Variants in GRIN2C observed in about 807,000 individuals in gnomAD.
GRIN2C encodes glutamate receptor ionotropic, NMDA 2C.
A neutral mutation model predicts 77.7 loss-of-function variants in GRIN2C; 64 were observed. The ratio of observed to expected loss-of-function variants is 0.82; its 90% CI spans 0.67 to 1.01. The LOEUF is 1.01. Among genes scored for constraint, GRIN2C ranks in the 50% least tolerant of loss-of-function variants. The pLI, the probability that GRIN2C is intolerant of heterozygous loss-of-function variation, is 0.00. For synonymous variants in GRIN2C, 792 were observed against 643.4 expected, an observed-to-expected ratio of 1.23 and a Z score of -3.49; for missense variants, 1,549 against 1,486.0, an observed-to-expected ratio of 1.04 and a Z score of -0.70.
intron 4 of GRIN2C, chr17:74,851,078 CTG>C (rs1458047237): frequency 4.6e-6 from 2 of 438,772 alleles, no homozygotes; most frequent in Non-Finnish European, 8.3e-6. Flanking sequence ...TTCTGCCCCT[CTG>C]TCTCTTCCAG....
chr17:74,847,798 C>G lies in GRIN2C; in HGVS notation c.1771+54G>C. 1 of 1,604,456 alleles carries G rather than the reference C, an allele frequency of 6.2e-7. No homozygotes were observed. The highest frequency in any genetic ancestry group is 8.5e-7 in the Non-Finnish European group (1 of 1,172,780). On this transcript the variant is annotated intron_variant, in intron 8 of 12. Coordinates refer to ENST00000293190, the MANE Select transcript of GRIN2C (RefSeq NM_000835.6). The surrounding 1 kb of genome is among the most constrained non-coding windows in gnomAD (Gnocchi z 5.2). ...CTGAAGGACCCGTTGCCCCTGAGCC[C>G]AGCCCTCAGGGTGCCCAGGCCCACC...
rs1031983218 is a variant in GRIN2C at position 74,851,517 on chromosome 17, A to G, written c.1113+60T>C. The G allele has an allele frequency of 4.3e-6, 4 of 935,198 alleles. No homozygotes were observed. In the African/African-American group the frequency reaches 4.9e-5, roughly 11 times the overall value. The allele number at this position is 935,198 out of a possible 1,614,324, so 57.9% of individuals were successfully genotyped here. ...GACTCTCTGCTCAGCTGTGGGCACA[A>G]GAGGAGGCGGGGACAAAATAAGAGG... On this transcript the variant is annotated intron_variant, in intron 4 of 12. Transcript: ENST00000293190.
chr17:74,847,036 G>C lies in GRIN2C; in HGVS notation c.2002-116C>G. The C allele has an allele frequency of 3.6e-6, 4 of 1,120,376 alleles. No homozygotes were observed. The highest frequency in any genetic ancestry group is 5.1e-6 in the Non-Finnish European group (4 of 791,148). The allele number at this position is 1,120,376 out of a possible 1,614,324, so 69.4% of individuals were successfully genotyped here. A position where few individuals can be genotyped will look rare whatever the true frequency, so the allele number is the denominator to read the frequency against. The stretch of plus-strand genomic sequence containing the variant: ...GTGGACTTGCATAGTCAGAGCAGAA[G>C]GTCTTAAAGGCTGTCCAGGCCACTC... On this transcript the variant is annotated intron_variant, in intron 9 of 12. Transcript: ENST00000293190. This position sits in a 1 kb window ranked among gnomAD's most constrained non-coding sequence, Gnocchi z 5.2.
Position 74,852,590 on chromosome 17 carries a change from G to T in GRIN2C, c.421C>A (p.Gln141Lys), listed in dbSNP as rs2037695536. The change falls in exon 3 of 13, where the codon CAG becomes AAG. Residue 141 changes from glutamine to lysine, a missense_variant. By Grantham distance (53) the Gln-to-Lys change is moderately conservative (BLOSUM62 1). This residue lies in a region of GRIN2C where 382 missense variants were observed against 360.0 expected (regional missense o/e 1.06). Coordinates refer to ENST00000293190, the MANE Select transcript of GRIN2C (RefSeq NM_000835.6). ...TPKEPGSAFL[Q>K]LGVSLEQQLQ... Reference sequence around the variant, plus strand: ...TGCTGCTCCAGGGACACGCCCAGCTGCAGGAAGGCGGAGCCCGGCTCCTGG... The same window carrying T: ...TGCTGCTCCAGGGACACGCCCAGCTTCAGGAAGGCGGAGCCCGGCTCCTGG... The T allele has an allele frequency of 1.4e-6, 2 of 1,429,468 alleles. No homozygotes were observed. The highest frequency in any genetic ancestry group is 1.8e-6 in the Non-Finnish European group (2 of 1,087,000). The allele number at this position is 1,429,468 out of a possible 1,614,324, so 88.5% of individuals were successfully genotyped here.
At position 74,850,194 on chromosome 17, in the gene GRIN2C, G is replaced by C; in HGVS notation, c.1491+12C>G. The C allele has an allele frequency of 6.2e-7, 1 of 1,612,370 alleles. No homozygotes were observed. On this transcript the variant is annotated intron_variant, in intron 6 of 12. Transcript: ENST00000293190. The surrounding 1 kb of genome is among the most constrained non-coding windows in gnomAD (Gnocchi z 5.3). ...GGCAGGGCAGGTGAGGAGGGAGTGGGGTGGGGCCTACCTCCCCAATCATGC... is the reference window on the plus strand; with the variant it reads ...GGCAGGGCAGGTGAGGAGGGAGTGGCGTGGGGCCTACCTCCCCAATCATGC...
chr17:74,846,856 T>C lies in GRIN2C; in HGVS notation c.2066A>G (p.Glu689Gly), dbSNP rs766539030. 1.2e-6 allele frequency: 2 copies of C among 1,614,104 alleles called. No individual in the cohort carries two copies. The highest frequency in any genetic ancestry group is 2.2e-5 in the East Asian group (1 of 44,884). Residue 689 changes from glutamate (E) to glycine (G), a missense_variant, in exon 10 of 13, where the codon GAG becomes GGG. Physicochemically the swap from Glu to Gly is moderately conservative, Grantham distance 98. Around this residue, in one of 3 missense-constraint regions of GRIN2C, gnomAD observed 717 missense variants for 858.1 expected, o/e 0.84. Coordinates refer to ENST00000293190, the MANE Select transcript of GRIN2C (RefSeq NM_000835.6). The surrounding 1 kb of genome is among the most constrained non-coding windows in gnomAD (Gnocchi z 4.4). ...ACGGTAGTTACTGCGGATGTTCCGCTCCGTGCTGCCGTTGGGCACCGTGCC... is the reference window on the plus strand; with the variant it reads ...ACGGTAGTTACTGCGGATGTTCCGCCCCGTGCTGCCGTTGGGCACCGTGCC... Reference protein sequence around the residue: ...RFGTVPNGSTERNIRSNYRDM... With the variant: ...RFGTVPNGSTGRNIRSNYRDM...
rs778852318 is a variant in GRIN2C at position 74,850,234 on chromosome 17, C to T, written c.1463G>A (p.Arg488His). ...VTNGKHGKRV[R>H]GVWNGMIGEV... ...CCCAATCATGCCGTTCCATACGCCG[C>T]GCACCCGCTTGCCATGCTTGCCGTT... is the stretch of plus-strand genomic sequence containing the variant. The change falls in exon 6 of 13, where the codon CGC becomes CAC. Residue 488 changes from arginine (R) to histidine (H), a missense_variant. By Grantham distance (29) the Arg-to-His change is conservative. Coordinates refer to ENST00000293190, the MANE Select transcript of GRIN2C (RefSeq NM_000835.6). The surrounding 1 kb of genome is among the most constrained non-coding windows in gnomAD (Gnocchi z 5.3). 3.7e-5 allele frequency: 59 copies of T among 1,613,570 alleles called. No homozygotes were observed. Among genetic ancestry groups the T allele is most frequent in the Non-Finnish European group, 4.1e-5 (48 of 1,179,994 alleles).
Position 74,843,061 on chromosome 17 carries a change from G to A in GRIN2C, c.3076C>T (p.Arg1026Cys), listed in dbSNP as rs1434161528. 1.1e-5 allele frequency: 5 copies of A among 462,236 alleles called. No homozygotes were observed. Among genetic ancestry groups the A allele is most frequent in the African/African-American group, 6.2e-5 (3 of 48,656 alleles). 28.6% of individuals were successfully genotyped at this position (462,236 alleles called of 1,614,324 possible). A position where few individuals can be genotyped will look rare whatever the true frequency, so the allele number is the denominator to read the frequency against. ...CGAGGAAAGGAGCTGTAGTGACAGC[G>A]CGCGGGCGACAGGGGCCGCTCGGAG... is the stretch of plus-strand genomic sequence containing the variant. ...SASERPLSPA[R>C]CHYSSFPRAD... Residue 1026 changes from arginine to cysteine, a missense_variant, in exon 13 of 13, where the codon CGC becomes TGC. This residue lies in a region of GRIN2C where 450 missense variants were observed against 267.9 expected (regional missense o/e 1.68). Coordinates refer to ENST00000293190, the MANE Select transcript of GRIN2C (RefSeq NM_000835.6).
At chr17:74,853,234 C>T (rs961912332) in intron 2 of GRIN2C, 3 of 152,226 alleles carry the variant, frequency 2.0e-5, no homozygotes, top group African/African-American at 7.2e-5. Context: ...CCCCTCGTAA[C>T]TGGTCTCACT....
At position 74,859,525 on chromosome 17, in the gene GRIN2C, G is replaced by T; in HGVS notation, c.-16+219C>A. 6.7e-6 allele frequency among the ~76,000 whole-genome samples: 1 copy of T among 149,180 alleles called. No homozygotes were observed. Among genetic ancestry groups the T allele is most frequent in the East Asian group, 2.0e-4 (1 of 4,922 alleles). ...GGACCCCCTGCCCTTCCGGTGAGCC[G>T]CCCCTCCTTTGCCGTCGGGTTTCCC... On this transcript the variant is annotated intron_variant, in intron 1 of 12. Transcript: ENST00000293190. The surrounding 1 kb of genome is among the most constrained non-coding windows in gnomAD (Gnocchi z 5.9).
chr17:74,858,965 C>T (rs1248094010), intron 1 of GRIN2C, among the ~76,000 whole-genome samples: 2 of 152,260 alleles, frequency 1.3e-5, no homozygotes, highest in South Asian at 2.1e-4. Context: ...AGGCTCTAGG[C>T]GCAGGGACTG....
In GRIN2C at chr17:74,842,649, GC is replaced by G; in HGVS notation, c.3487del (p.Ala1163LeufsTer48). ...ACAGGGTGGAAGGTGAGGACAGACAGCCCCCCAGCAAAATGGCAGGTGGGCG... is the reference window on the plus strand; with the variant it reads ...ACAGGGTGGAAGGTGAGGACAGACAGCCCCCAGCAAAATGGCAGGTGGGCG... ...AHAHLPFCWG[A>X]VCPHLPPCAS... On this transcript the variant is annotated frameshift_variant, in exon 13 of 13. Transcript: ENST00000293190. LOFTEE classifies it high-confidence loss of function. 1.3e-6 allele frequency: 1 copy of G among 750,054 alleles called. No homozygotes were observed. The highest frequency in any genetic ancestry group is 2.5e-6 in the Non-Finnish European group (1 of 403,030). The allele number at this position is 750,054 out of a possible 1,614,324, so 46.5% of individuals were successfully genotyped here.
Position 74,852,546 on chromosome 17 carries a change from C to T in GRIN2C, c.465G>A (p.Lys155=), listed in dbSNP as rs754394640. 87 of 1,541,356 alleles carry T rather than the reference C, an allele frequency of 5.6e-5. 1 individual carries two copies. In the South Asian group the frequency reaches 9.8e-4, roughly 17 times the overall value. ...CGCTCCAGTCGTACTCTTCCAGCACCTTGAACAGCACCTGCAGCTGCTGCT... is the reference window on the plus strand; with the variant it reads ...CGCTCCAGTCGTACTCTTCCAGCACTTTGAACAGCACCTGCAGCTGCTGCT... ...SLEQQLQVLF[K]VLEEYDWSAF... Residue 155 remains lysine, a synonymous_variant, in exon 3 of 13, where the codon AAG becomes AAA. Coordinates refer to ENST00000293190, the MANE Select transcript of GRIN2C (RefSeq NM_000835.6).
At chr17:74,851,183 T>G in intron 4 of GRIN2C, 1 of 306,252 alleles carries the variant, frequency 3.3e-6, no homozygotes, top group East Asian at 6.3e-5. Flanking sequence ...GTTTCCTCCT[T>G]TGAAGGCAGA....
Position 74,854,839 on chromosome 17 carries a change from A to G in GRIN2C, c.254T>C (p.Leu85Pro). 6.2e-7 allele frequency: 1 copy of G among 1,613,648 alleles called. No homozygotes were observed. Among genetic ancestry groups the G allele is most frequent in the Non-Finnish European group, 8.5e-7 (1 of 1,179,620 alleles). ...SSLLTQICGL[L>P]GAAHVHGIVF... Reference sequence around the variant, plus strand: ...AATGCCGTGGACGTGGGCAGCACCCAGGAGGCCGCAGATCTGGGTGAGGAG... The same window carrying G: ...AATGCCGTGGACGTGGGCAGCACCCGGGAGGCCGCAGATCTGGGTGAGGAG... Residue 85 changes from leucine to proline, a missense_variant, in exon 2 of 13, where the codon CTG (leucine) becomes CCG (proline). Transcript: ENST00000293190.
chr17:74,842,354 A>G lies in GRIN2C; in HGVS notation c.*81T>C. 1.5e-6 allele frequency: 1 copy of G among 689,562 alleles called. No individual in the cohort carries two copies. 42.7% of individuals were successfully genotyped at this position (689,562 alleles called of 1,614,324 possible). On this transcript the variant is annotated 3_prime_UTR_variant, in exon 13 of 13. Coordinates refer to ENST00000293190, the MANE Select transcript of GRIN2C (RefSeq NM_000835.6). Reference sequence around the variant, plus strand: ...CAGGATTTCATGGCAGAAGCCAGAAAAGCCCAATCCTGCCTGCCGCTTAAC... The same window carrying G: ...CAGGATTTCATGGCAGAAGCCAGAAGAGCCCAATCCTGCCTGCCGCTTAAC...
rs764438209 is a variant in GRIN2C at position 74,843,605 on chromosome 17, C to T, written c.2584-52G>A. 2.0e-5 allele frequency: 30 copies of T among 1,522,070 alleles called. No individual in the cohort carries two copies. The South Asian group carries it at 3.5e-4, about 18-fold the overall frequency. The allele number at this position is 1,522,070 out of a possible 1,614,324, so 94.3% of individuals were successfully genotyped here. ...TAAGCAGCGCCCTCCGCTCAGGGAC[C>T]CGCCACGATTGTCCCTGCCTGGTCC... is the stretch of plus-strand genomic sequence containing the variant. On this transcript the variant is annotated intron_variant, in intron 12 of 12. Transcript: ENST00000293190.
At position 74,849,885 on chromosome 17, in the gene GRIN2C, C is replaced by T. The variant is rs2037579008; in HGVS notation, c.1540G>A (p.Glu514Lys). 4.3e-6 allele frequency: 7 copies of T among 1,613,802 alleles called. No individual in the cohort carries two copies. In the East Asian group the frequency reaches 1.6e-4, roughly 36 times the overall value. Residue 514 changes from glutamate to lysine, a missense_variant, in exon 7 of 13, where the codon GAG becomes AAG. Glu to Lys is a moderately conservative substitution (Grantham distance 56). Transcript: ENST00000293190. This position sits in a 1 kb window ranked among gnomAD's most constrained non-coding sequence, Gnocchi z 4.6. ...AAGTCTACGATCTCGGAGCGTTCCTCATTGATGGTGAGGGAGCCGATGGCC... is the reference window on the plus strand; with the variant it reads ...AAGTCTACGATCTCGGAGCGTTCCTTATTGATGGTGAGGGAGCCGATGGCC... ...DMAIGSLTINEERSEIVDFSV... is the reference protein window; with the variant it reads ...DMAIGSLTINKERSEIVDFSV...
At position 74,849,824 on chromosome 17, in the gene GRIN2C, A is replaced by G. The variant is rs2037576216; in HGVS notation, c.1601T>C (p.Met534Thr). 6.2e-7 allele frequency: 1 copy of G among 1,613,312 alleles called. No homozygotes were observed. ...GACGGTGCCATTGCTGCGAGCCACC[A>G]TCACACTGATGCCCGTCTCCACAAA... is the stretch of plus-strand genomic sequence containing the variant. ...VPFVETGISV[M>T]VARSNGTVSP... The change falls in exon 7 of 13, where the codon ATG becomes ACG. Residue 534 changes from methionine to threonine, a missense_variant. This residue lies in a region of GRIN2C where 717 missense variants were observed against 858.1 expected (regional missense o/e 0.84). Coordinates refer to ENST00000293190, the MANE Select transcript of GRIN2C (RefSeq NM_000835.6). This position sits in a 1 kb window ranked among gnomAD's most constrained non-coding sequence, Gnocchi z 4.6.
Sources: allele counts gnomAD v4.1 joint callset (sites outside exome capture counted in the v4.1 genomes callset), GRCh38; gene constraint gnomAD v4.1.1; regional missense constraint gnomAD v4.1.1; non-coding constraint Gnocchi (gnomAD v3.1); transcripts MANE v1.5; gene names NCBI Gene and HGNC (gene_info 2026-07-23, HGNC 2026-07-21).